The following NCOR1 variants were observed in gnomAD, a reference collection of about 807,000 sequenced individuals.
NCOR1 encodes protein phosphatase 1, regulatory subunit 109.
In NCOR1, 63 loss-of-function variants were observed where a neutral mutation model predicts 288.1. That is an observed-to-expected ratio of 0.22 (90% confidence interval 0.18 to 0.27). The LOEUF is 0.27. Among genes scored for constraint, NCOR1 ranks in the 10% least tolerant of loss-of-function variants. The probability of loss-of-function intolerance (pLI) is 1.00; values close to 1 mark genes in which losing one functional copy is unlikely to be tolerated. For missense variants in NCOR1, 2,397 were observed against 3,019.2 expected (o/e 0.79, Z 4.83); for synonymous variants, 1,007 against 1,065.9 (o/e 0.94, Z 1.08).
At chr17:16,200,353 C>T (rs888424214) in intron 1 of NCOR1, among the ~76,000 whole-genome samples, 3 of 151,884 alleles carry the variant, frequency 2.0e-5, no homozygotes, top group South Asian at 4.2e-4. Flanking sequence ...AAAAATTAGC[C>T]GGACATGGTG....
At chr17:16,179,841 G>A (rs991115247) in intron 3 of NCOR1, among the ~76,000 whole-genome samples, 2 of 151,588 alleles carry the variant, frequency 1.3e-5, no homozygotes, top group African/African-American at 4.9e-5. Context: ...CAGTGAAACC[G>A]TGTCTCTACT....
intron 21 of NCOR1, among the ~76,000 whole-genome samples, chr17:16,094,156 G>T (rs771619484): frequency 4.0e-5 from 6 of 151,824 alleles, no homozygotes; most frequent in Non-Finnish European, 7.4e-5. Context: ...CACCCACCTC[G>T]GCCTCCCAAA....
At chr17:16,213,522 G>T (rs1349828879) in intron 1 of NCOR1, among the ~76,000 whole-genome samples, 8 of 117,258 alleles carry the variant, frequency 6.8e-5, no homozygotes, top group Non-Finnish European at 1.3e-4. Context: ...TAAAATCAGC[G>T]AAGGGCCTAT....
intron 14 of NCOR1, among the ~76,000 whole-genome samples, chr17:16,127,552 C>CTGCATGTATATATACAT (rs1568204800): frequency 8.3e-5 from 10 of 120,614 alleles, no homozygotes; most frequent in South Asian, 8.0e-4. Context: ...TATATATACA[C>CTGCATGTATATATACAT]ATGTGTATAT....
intron 31 of NCOR1, 123 bp from the exon 32 acceptor site, chr17:16,068,244 A>C: frequency 1.3e-6 from 1 of 777,588 alleles, no homozygotes; most frequent in Non-Finnish European, 2.1e-6. Context: ...CTTTCCACTC[A>C]ACATTTAACA....
At chr17:16,210,201 T>C (rs796456482) in intron 1 of NCOR1, among the ~76,000 whole-genome samples, 3 of 151,854 alleles carry the variant, frequency 2.0e-5, no homozygotes, top group Non-Finnish European at 4.4e-5. Flanking sequence ...CTGACCAATA[T>C]GGAGAAACCC....
intron 18 of NCOR1, among the ~76,000 whole-genome samples, chr17:16,113,826 G>C (rs1203096441): frequency 1.3e-5 from 2 of 151,998 alleles, no homozygotes; most frequent in Non-Finnish European, 2.9e-5. Flanking sequence ...CTGGGAGGCG[G>C]AGGTTGCAGT....
chr17:16,044,518 T>C (rs751758568), intron 42 of NCOR1: 1 of 486,156 alleles, frequency 2.1e-6, no homozygotes, highest in Non-Finnish European at 4.2e-6. Flanking sequence ...ACCACAGTGC[T>C]TGGTCCTTCC....
rs1971880544 is a variant in NCOR1 at position 16,030,993 on chromosome 17, G to A, written c.*1303C>T. The A allele has an allele frequency of 2.0e-5, 4 of 196,292 alleles. No homozygotes were observed. Among genetic ancestry groups the A allele is most frequent in the East Asian group, 7.9e-5 (1 of 12,616 alleles). 12.2% of individuals were successfully genotyped at this position (196,292 alleles called of 1,614,324 possible). Reference sequence around the variant, plus strand: ...TTCTCCCAAAACTGTTAGTATCTATGTTATAGAAAGATACTTAAATGCTAT... The same window carrying A: ...TTCTCCCAAAACTGTTAGTATCTATATTATAGAAAGATACTTAAATGCTAT... On this transcript the variant is annotated 3_prime_UTR_variant, in exon 46 of 46. Transcript: ENST00000268712.
At chr17:16,040,551 T>A in intron 42 of NCOR1, 57 bp from the exon 43 acceptor site, 1 of 1,437,344 alleles carries the variant, frequency 7.0e-7, no homozygotes, top group Non-Finnish European at 9.7e-7. Flanking sequence ...TATACCAAAC[T>A]AAAGTCTCAA....
In NCOR1 at chr17:16,061,952, G is replaced by A. The variant is rs527512054; in HGVS notation, c.5388-58C>T. ...GGGAAGACCATTTGCTGGGAATGTG[G>A]TGGGGAGATGGAAGGACAAACTGCA... On this transcript the variant is annotated intron_variant, in intron 36 of 45. Coordinates refer to ENST00000268712, the MANE Select transcript of NCOR1 (RefSeq NM_006311.4). The A allele has an allele frequency of 1.7e-4, 260 of 1,567,430 alleles. 2 individuals carry two copies. The South Asian group carries it at 2.8e-3, about 17-fold the overall frequency.
At chr17:16,202,079 C>A (rs1600495876) in intron 1 of NCOR1, among the ~76,000 whole-genome samples, 4 of 152,142 alleles carry the variant, frequency 2.6e-5, no homozygotes, top group Admixed American at 2.6e-4. Context: ...CAAAAATTAG[C>A]GGGGCGTAGT....
intron 14 of NCOR1, among the ~76,000 whole-genome samples, chr17:16,129,463 G>A (rs190706148): frequency 4.6e-5 from 7 of 152,276 alleles, no homozygotes; most frequent in Non-Finnish European, 1.0e-4. Flanking sequence ...CTGGCTAACT[G>A]CCAGTTCCTC....
chr17:16,039,390 T>C, intron 44 of NCOR1, 43 bp downstream of exon 44: 1 of 1,589,622 alleles, frequency 6.3e-7, no homozygotes, highest in Non-Finnish European at 8.6e-7. Context: ...AACTGGCTTT[T>C]TTGGGGAAAA....
chr17:16,048,904 A>C lies in NCOR1; in HGVS notation c.6477T>G (p.His2159Gln), dbSNP rs768481611. 2 of 1,614,054 alleles carry C rather than the reference A, an allele frequency of 1.2e-6. No individual in the cohort carries two copies. The highest frequency in any genetic ancestry group is 1.7e-6 in the Non-Finnish European group (2 of 1,179,944). ...AGAGCAGCAAGCTGTCCTGTTTCTC[A>C]TGCACAACCGGAACCTGGGGTGGGG... ...PISPPQVPVVHEKQDSLLLLS... is the reference protein window; with the variant it reads ...PISPPQVPVVQEKQDSLLLLS... The change falls in exon 41 of 46, where the codon CAT (histidine) becomes CAG (glutamine). Residue 2159 changes from histidine to glutamine, a missense_variant. His to Gln is a conservative substitution (Grantham distance 24). Transcript: ENST00000268712.
Position 16,124,297 on chromosome 17 carries a change from T to C in NCOR1, c.1634+1785A>G, listed in dbSNP as rs74340903. 5.7e-3 allele frequency among the ~76,000 whole-genome samples: 867 copies of C among 152,198 alleles called. 11 individuals are homozygous for C. Among genetic ancestry groups the C allele is most frequent in the African/African-American group, 0.02 (846 of 41,452 alleles). ...CCTAAGTGAATCTCAAAGGCATTCA[T>C]GCTAAGTAAAAGAAGCCATACATAC... On this transcript the variant is annotated intron_variant, in intron 15 of 45. Transcript: ENST00000268712.
intron 17 of NCOR1, among the ~76,000 whole-genome samples, chr17:16,119,139 A>C (rs2072433301): frequency 6.6e-6 from 1 of 152,236 alleles, no homozygotes; most frequent in South Asian, 2.1e-4. Context: ...TATTCTAAAA[A>C]AGTGAAAACG....
At chr17:16,070,083 A>G (rs1288131104) in intron 31 of NCOR1, 82 bp downstream of exon 31, 17 of 1,477,682 alleles carry the variant, frequency 1.2e-5, no homozygotes, top group Non-Finnish European at 1.4e-5. Context: ...TGACAATTTG[A>G]TATTTACTAC....
At chr17:16,115,017 T>A (rs1442444173) in intron 18 of NCOR1, among the ~76,000 whole-genome samples, 1 of 152,134 alleles carries the variant, frequency 6.6e-6, no homozygotes, top group African/African-American at 2.4e-5. Context: ...TGCTTGAACA[T>A]CCAGGCGTTT....
Sources: gnomAD v4.1 joint callset for allele counts (sites outside exome capture counted in the v4.1 genomes callset) on GRCh38, gnomAD v4.1.1 for gene constraint, MANE v1.5 for transcripts, NCBI Gene and HGNC (gene_info 2026-07-23, HGNC 2026-07-21) for gene names.